OCA2: variants seen among roughly 807,000 people sequenced by gnomAD.
The protein encoded by OCA2 is P protein.
In OCA2, 77 loss-of-function variants were observed where a neutral mutation model predicts 100.2. The ratio of observed to expected loss-of-function variants is 0.77; its 90% CI spans 0.64 to 0.93. The LOEUF (loss-of-function observed/expected upper bound fraction) is 0.93. Ranked by LOEUF, OCA2 falls within the 40% of genes least tolerant of loss-of-function variation. The pLI is 0.00. For missense variants in OCA2, 1,062 were observed against 1,089.1 expected (o/e 0.98, Z 0.35); for synonymous variants, 432 against 439.2 (o/e 0.98, Z 0.21).
intron 19 of OCA2, chr15:27,896,399 G>A: frequency 2.7e-6 from 2 of 728,742 alleles, no homozygotes; most frequent in Non-Finnish European, 5.0e-6. Flanking sequence ...CAGACATGAT[G>A]GAGGAGATGT....
intron 23 of OCA2, among the ~76,000 whole-genome samples, chr15:27,806,334 G>A (rs977975353): frequency 6.6e-6 from 1 of 152,242 alleles, no homozygotes. Context: ...TGAGAGGCAG[G>A]TTTGCGCCAT....
At chr15:27,729,443 C>G in the OCA2 span, among the ~76,000 whole-genome samples, 4 of 152,222 alleles carry the variant, frequency 2.6e-5, no homozygotes, top group East Asian at 5.8e-4. Flanking sequence ...CTTCCCGGTT[C>G]CAAAAATATG....
intron 20 of OCA2, among the ~76,000 whole-genome samples, 155 bp downstream of exon 20, chr15:27,871,708 A>T (rs1346346283): frequency 6.6e-6 from 1 of 152,114 alleles, no homozygotes; most frequent in African/African-American, 2.4e-5. Flanking sequence ...GTCTCCCTTC[A>T]TCTCTGGGCT....
At chr15:27,821,862 T>C (rs1016254685) in intron 23 of OCA2, among the ~76,000 whole-genome samples, 2 of 152,214 alleles carry the variant, frequency 1.3e-5, no homozygotes, top group Non-Finnish European at 2.9e-5. Flanking sequence ...CACACACTTT[T>C]ACATTTGCAG....
intron 1 of OCA2, among the ~76,000 whole-genome samples, chr15:28,088,641 T>A (rs954742388): frequency 6.6e-6 from 1 of 152,208 alleles, no homozygotes; most frequent in African/African-American, 2.4e-5. Flanking sequence ...CACATGTCGG[T>A]AGGTTCCGTG....
intron 9 of OCA2, among the ~76,000 whole-genome samples, chr15:27,993,717 A>G (rs2041631384): frequency 6.6e-6 from 1 of 152,122 alleles, no homozygotes; most frequent in Admixed American, 6.5e-5. Flanking sequence ...TGATCCACAC[A>G]TGAGCATCTC....
At chr15:27,994,162 C>T (rs924372303) in intron 9 of OCA2, among the ~76,000 whole-genome samples, 10 of 152,160 alleles carry the variant, frequency 6.6e-5, no homozygotes, top group African/African-American at 9.7e-5. Context: ...TGAACATGAC[C>T]GCCTGGGCTC....
intron 23 of OCA2, among the ~76,000 whole-genome samples, chr15:27,837,491 C>T (rs1001213082): frequency 6.6e-6 from 1 of 152,164 alleles, no homozygotes; most frequent in Non-Finnish European, 1.5e-5. Context: ...ACACCAATTC[C>T]CAGCCAAGCT....
At chr15:27,949,211 T>C (rs1489918997) in intron 18 of OCA2, among the ~76,000 whole-genome samples, 1 of 152,248 alleles carries the variant, frequency 6.6e-6, no homozygotes, top group Non-Finnish European at 1.5e-5. Context: ...CCCTATGTTA[T>C]ATGAAATTAC....
At chr15:27,962,743 G>T (rs2040446561) in intron 15 of OCA2, among the ~76,000 whole-genome samples, 1 of 152,092 alleles carries the variant, frequency 6.6e-6, no homozygotes, top group African/African-American at 2.4e-5. Flanking sequence ...CATAAATGAA[G>T]AAAAGGGTAA....
At chr15:27,829,718 CATCGCTA>C in intron 23 of OCA2, among the ~76,000 whole-genome samples, 1 of 152,348 alleles carries the variant, frequency 6.6e-6, no homozygotes, top group Non-Finnish European at 1.5e-5. Flanking sequence ...CTTCCCTCAG[CATCGCTA>C]ATCTACAGAG....
intron 23 of OCA2, among the ~76,000 whole-genome samples, chr15:27,804,007 C>T (rs1053509940): frequency 4.6e-5 from 7 of 152,050 alleles, no homozygotes; most frequent in African/African-American, 1.7e-4. Context: ...ATTGTGGTGA[C>T]GGTTTCACAG....
chr15:27,766,230 A>C (rs2031249312), intron 23 of OCA2, among the ~76,000 whole-genome samples: 1 of 152,176 alleles, frequency 6.6e-6, no homozygotes, highest in Non-Finnish European at 1.5e-5. Context: ...ACATATCCAA[A>C]ATATTATTTG....
intron 1 of OCA2, among the ~76,000 whole-genome samples, chr15:28,084,112 C>T (rs1049729185): frequency 3.9e-5 from 6 of 152,188 alleles, no homozygotes; most frequent in Non-Finnish European, 5.9e-5. Flanking sequence ...TTCTGAGAGT[C>T]GTGGGAGAGC....
chr15:27,955,280 G>T, intron 16 of OCA2, 65 bp from the exon 17 acceptor site: 1 of 1,181,380 alleles, frequency 8.5e-7, no homozygotes, highest in Non-Finnish European at 1.3e-6. Flanking sequence ...TCGCGGAGCA[G>T]CAGTCCCCAG....
chr15:27,748,870 A>C, the OCA2 span, among the ~76,000 whole-genome samples: 2 of 152,238 alleles, frequency 1.3e-5, no homozygotes, highest in Non-Finnish European at 2.9e-5. Flanking sequence ...TGTGTTCAAC[A>C]GTAGAGTGGA....
chr15:27,988,212 T>G (rs1168436573), intron 11 of OCA2, among the ~76,000 whole-genome samples: 1 of 151,812 alleles, frequency 6.6e-6, no homozygotes, highest in African/African-American at 2.4e-5. Flanking sequence ...GGGACCTGGT[T>G]GTAACGACCC....
At chr15:27,941,186 A>T (rs986158865) in intron 18 of OCA2, among the ~76,000 whole-genome samples, 9 of 152,248 alleles carry the variant, frequency 5.9e-5, no homozygotes, top group Admixed American at 2.0e-4. Context: ...TATTGAGACA[A>T]TGTAGAATCT....
At chr15:28,026,764 G>T (rs2141336084) in intron 4 of OCA2, among the ~76,000 whole-genome samples, 1 of 152,324 alleles carries the variant, frequency 6.6e-6, no homozygotes, top group Non-Finnish European at 1.5e-5. Flanking sequence ...AGGTGCACTT[G>T]GAGCGTGCAG....
Sources: allele counts gnomAD v4.1 joint callset (sites outside exome capture counted in the v4.1 genomes callset), GRCh38; gene constraint gnomAD v4.1.1; transcripts MANE v1.5; gene names NCBI Gene and HGNC (gene_info 2026-07-23, HGNC 2026-07-21).